Variants in MTDH observed in about 807,000 individuals in gnomAD.
MTDH encodes protein LYRIC.
MTDH carries 34 observed loss-of-function variants against 72.7 expected under a neutral mutation model. The observed-to-expected ratio is 0.47, with a 90% CI of 0.36 to 0.62. The LOEUF (loss-of-function observed/expected upper bound fraction) is 0.62. Ranked by LOEUF, MTDH falls within the 20% of genes least tolerant of loss-of-function variation. The pLI, the probability that MTDH is intolerant of heterozygous loss-of-function variation, is 0.00. For missense variants in MTDH, 677 were observed against 699.4 expected (o/e 0.97, Z 0.36); for synonymous variants, 266 against 268.9 (o/e 0.99, Z 0.10).
chr8:97,717,944 T>C (rs1353594877), intron 9 of MTDH, among the ~76,000 whole-genome samples: 1 of 152,270 alleles, frequency 6.6e-6, no homozygotes, highest in East Asian at 1.9e-4. Flanking sequence ...GAAACAGGGT[T>C]TCACCATGTT....
chr8:97,647,712 T>A (rs370834340), intron 1 of MTDH, among the ~76,000 whole-genome samples: 1 of 152,188 alleles, frequency 6.6e-6, no homozygotes, highest in Non-Finnish European at 1.5e-5. Context: ...GAAATCTTAG[T>A]TGAGTTAAAA....
intron 2 of MTDH, among the ~76,000 whole-genome samples, chr8:97,671,321 G>A (rs913419119): frequency 1.3e-4 from 20 of 152,054 alleles, no homozygotes; most frequent in African/African-American, 4.3e-4. Flanking sequence ...AAACCATATC[G>A]TGCCTCAGTC....
chr8:97,715,042 C>T (rs1337521899), intron 9 of MTDH, among the ~76,000 whole-genome samples: 1 of 152,134 alleles, frequency 6.6e-6, no homozygotes, highest in African/African-American at 2.4e-5. Flanking sequence ...CCAGGCTGGT[C>T]TCAAGTGATG....
intron 2 of MTDH, among the ~76,000 whole-genome samples, chr8:97,671,369 A>C (rs564412243): frequency 6.6e-6 from 1 of 152,330 alleles, no homozygotes; most frequent in East Asian, 1.9e-4. Flanking sequence ...ACAAACACAG[A>C]TATATGAATC....
chr8:97,671,799 G>T (rs962730289), intron 2 of MTDH, among the ~76,000 whole-genome samples: 3 of 152,122 alleles, frequency 2.0e-5, no homozygotes, highest in Admixed American at 1.3e-4. Flanking sequence ...AGCCGAGATC[G>T]TGCCACTGCC....
In MTDH at chr8:97,699,754, G is replaced by A. The variant is rs1366094697; in HGVS notation, c.1049G>A (p.Gly350Glu). 3 of 1,596,300 alleles carry A rather than the reference G, an allele frequency of 1.9e-6. No individual in the cohort carries two copies. Among genetic ancestry groups the A allele is most frequent in the South Asian group, 2.2e-5 (2 of 90,466 alleles). ...WSDRSIFSGI[G>E]STAEPVSQST... ...TTATTGCATTCGTTTTTCATTTAAG[G>A]GTCTACTGCTGAGCCAGTTTCTCAG... is the stretch of plus-strand genomic sequence containing the variant. Residue 350 changes from glycine to glutamate, a missense_variant and splice_region_variant, in exon 7 of 12, where the codon GGG (glycine) becomes GAG (glutamate). Around this residue, in one of 3 missense-constraint regions of MTDH, gnomAD observed 467 missense variants for 469.1 expected, o/e 1.00. Coordinates refer to ENST00000336273, the MANE Select transcript of MTDH (RefSeq NM_178812.4).
At chr8:97,682,344 G>A (rs1219558021) in intron 2 of MTDH, among the ~76,000 whole-genome samples, 1 of 117,440 alleles carries the variant, frequency 8.5e-6, no homozygotes, top group Non-Finnish European at 1.7e-5. Context: ...TGTCGCCCAG[G>A]CTGGAGTGTA....
chr8:97,681,587 G>A (rs895396496), intron 2 of MTDH, among the ~76,000 whole-genome samples: 12 of 145,954 alleles, frequency 8.2e-5, no homozygotes, highest in South Asian at 2.2e-4. Flanking sequence ...TCCGCCTCCC[G>A]GGTTCAAGCG....
At chr8:97,707,655 T>G (rs974736552) in intron 8 of MTDH, among the ~76,000 whole-genome samples, 12 of 152,042 alleles carry the variant, frequency 7.9e-5, no homozygotes, top group African/African-American at 2.9e-4. Context: ...AAATGAATTT[T>G]ATTTGTAGGA....
At chr8:97,708,465 A>G (rs927160564) in intron 8 of MTDH, among the ~76,000 whole-genome samples, 2 of 131,296 alleles carry the variant, frequency 1.5e-5, no homozygotes, top group African/African-American at 6.3e-5. Context: ...TATTTTTAGT[A>G]GAGACGGGTT....
At chr8:97,679,398 T>C (rs1812980248) in intron 2 of MTDH, among the ~76,000 whole-genome samples, 1 of 152,198 alleles carries the variant, frequency 6.6e-6, no homozygotes, top group South Asian at 2.1e-4. Context: ...CTTTCTGATC[T>C]ACAGTTCAAT....
intron 2 of MTDH, among the ~76,000 whole-genome samples, chr8:97,677,964 A>T (rs1025803163): frequency 3.9e-5 from 6 of 152,228 alleles, no homozygotes; most frequent in Non-Finnish European, 8.8e-5. Context: ...AAAAAACAAT[A>T]TTACAGCCAA....
intron 2 of MTDH, among the ~76,000 whole-genome samples, chr8:97,679,274 CTTG>C (rs994585855): frequency 4.6e-5 from 7 of 151,810 alleles, no homozygotes; most frequent in African/African-American, 1.7e-4. Flanking sequence ...AGTGAATTCA[CTTG>C]TTAAAAATAC....
At chr8:97,693,680 A>T (rs1238132638) in intron 6 of MTDH, among the ~76,000 whole-genome samples, 1 of 151,064 alleles carries the variant, frequency 6.6e-6, no homozygotes, top group African/African-American at 2.4e-5. Flanking sequence ...TTATTTTCCC[A>T]TTTGTCTAAT....
At chr8:97,667,431 T>C (rs1002410665) in intron 2 of MTDH, among the ~76,000 whole-genome samples, 11 of 152,372 alleles carry the variant, frequency 7.2e-5, no homozygotes, top group African/African-American at 2.6e-4. Context: ...TGAAATGGAA[T>C]ATATGCATAA....
intron 7 of MTDH, among the ~76,000 whole-genome samples, chr8:97,703,594 G>A (rs1310508401): frequency 6.6e-6 from 1 of 152,166 alleles, no homozygotes; most frequent in Non-Finnish European, 1.5e-5. Context: ...TGATAGCTTG[G>A]TATGTGAACC....
chr8:97,648,551 G>A (rs919789187), intron 1 of MTDH, among the ~76,000 whole-genome samples: 1 of 151,542 alleles, frequency 6.6e-6, no homozygotes, highest in Non-Finnish European at 1.5e-5. Context: ...TGCAGTGGCG[G>A]TTATAGCTCA....
At chr8:97,715,773 T>C (rs952021422) in intron 9 of MTDH, among the ~76,000 whole-genome samples, 1 of 152,252 alleles carries the variant, frequency 6.6e-6, no homozygotes, top group Non-Finnish European at 1.5e-5. Context: ...AATAATGATT[T>C]AGTGGATTGT....
intron 5 of MTDH, 114 bp from the exon 6 acceptor site, chr8:97,690,838 A>G (rs1413341883): frequency 5.5e-6 from 4 of 730,540 alleles, no homozygotes; most frequent in Non-Finnish European, 8.7e-6. Context: ...TGATCAAAGG[A>G]TAGTAGGGGA....
Sources: allele counts gnomAD v4.1 joint callset (sites outside exome capture counted in the v4.1 genomes callset), GRCh38; gene constraint gnomAD v4.1.1; regional missense constraint gnomAD v4.1.1; transcripts MANE v1.5; gene names NCBI Gene and HGNC (gene_info 2026-07-23, HGNC 2026-07-21).